The following KCNMA1 variants were observed in gnomAD, a reference collection of about 807,000 sequenced individuals.
KCNMA1 encodes Calcium-activated potassium channel subunit alpha-1.
KCNMA1 carries 29 observed loss-of-function variants against 140.0 expected under a neutral mutation model. The observed-to-expected ratio is 0.21, with a 90% CI of 0.15 to 0.28. The LOEUF (loss-of-function observed/expected upper bound fraction) is 0.28, where lower values mean the gene tolerates loss of function less well. KCNMA1 is among the 10% of genes least tolerant of loss of function. KCNMA1 has a pLI of 1.00. For missense variants in KCNMA1, 880 were observed against 1,602.2 expected, an observed-to-expected ratio of 0.55 and a Z score of 7.70; for synonymous variants, 612 against 611.9, an observed-to-expected ratio of 1.00 and a Z score of 0.00.
At chr10:77,411,634 T>C (rs2096620622) in intron 1 of KCNMA1, among the ~76,000 whole-genome samples, 1 of 152,208 alleles carries the variant, frequency 6.6e-6, no homozygotes, top group Middle Eastern at 3.2e-3. Context: ...GATTATTGGC[T>C]GCTGCAAAGT....
chr10:77,584,678 A>G (rs2076767922), intron 1 of KCNMA1, among the ~76,000 whole-genome samples: 1 of 152,198 alleles, frequency 6.6e-6, no homozygotes, highest in South Asian at 2.1e-4. Flanking sequence ...ATGTTTTTAA[A>G]GAAGAACATG....
chr10:77,439,969 A>G (rs1362805763), intron 1 of KCNMA1, among the ~76,000 whole-genome samples: 2 of 152,220 alleles, frequency 1.3e-5, no homozygotes, highest in Non-Finnish European at 2.9e-5. Flanking sequence ...TGTCCCACGC[A>G]CAGTAAAGAC....
downstream of KCNMA1, chr10:76,877,729 C>T (rs983462911): frequency 3.2e-6 from 5 of 1,550,538 alleles, no homozygotes; most frequent in Non-Finnish European, 4.4e-6. Context: ...TAGTTCTGGT[C>T]TCCTGGGAGT....
At chr10:77,455,722 G>A (rs2097752590) in intron 1 of KCNMA1, among the ~76,000 whole-genome samples, 1 of 152,092 alleles carries the variant, frequency 6.6e-6, no homozygotes, top group Non-Finnish European at 1.5e-5. Flanking sequence ...TCACACAGAA[G>A]GCCCAGACCT....
At chr10:77,030,560 T>C (rs1238512909) in intron 15 of KCNMA1, among the ~76,000 whole-genome samples, 1 of 152,192 alleles carries the variant, frequency 6.6e-6, no homozygotes, top group Non-Finnish European at 1.5e-5. Context: ...GGGACTCTGG[T>C]AGTTCATGGG....
intron 14 of KCNMA1, among the ~76,000 whole-genome samples, chr10:77,046,678 T>G (rs1017541837): frequency 7.2e-5 from 11 of 152,252 alleles, no homozygotes; most frequent in Non-Finnish European, 1.5e-5. Flanking sequence ...TATGTTCCAA[T>G]GTCAACAAAC....
Position 77,108,407 on chromosome 10 carries a change from C to CAAAA in KCNMA1, c.1223+70_1223+73dup. Reference sequence around the variant, plus strand: ...ATGCATGAAACAAAGAAACAAGAGCCAAAAAAAAAAAAAAATGGCATGCAG... The same window carrying CAAAA: ...ATGCATGAAACAAAGAAACAAGAGCCAAAAAAAAAAAAAAAAAAATGGCATGCAG... On this transcript the variant is annotated intron_variant, in intron 9 of 27. Coordinates refer to ENST00000286628, the MANE Select transcript of KCNMA1 (RefSeq NM_001161352.2). This position sits in a 1 kb window ranked among gnomAD's most constrained non-coding sequence, Gnocchi z 4.6. 1 of 1,405,810 alleles carries CAAAA rather than the reference C, an allele frequency of 7.1e-7. No homozygotes were observed. Among genetic ancestry groups the CAAAA allele is most frequent in the Admixed American group, 1.8e-5 (1 of 54,214 alleles). 87.1% of individuals were successfully genotyped at this position (1,405,810 alleles called of 1,614,324 possible). A position where few individuals can be genotyped will look rare whatever the true frequency, so the allele number is the denominator to read the frequency against.
chr10:77,037,258 C>T (rs1490779707), intron 15 of KCNMA1, among the ~76,000 whole-genome samples: 5 of 152,132 alleles, frequency 3.3e-5, no homozygotes, highest in African/African-American at 9.7e-5. Context: ...GCAAATCTGG[C>T]CTGGTTTAAG....
intron 2 of KCNMA1, among the ~76,000 whole-genome samples, chr10:77,260,248 G>C (rs199845060): frequency 2.6e-5 from 4 of 152,170 alleles, no homozygotes; most frequent in Admixed American, 2.0e-4. Flanking sequence ...GAGAATAGAA[G>C]AGGACAGGGC....
chr10:77,047,018 G>T (rs894854547), intron 14 of KCNMA1, among the ~76,000 whole-genome samples: 3 of 152,212 alleles, frequency 2.0e-5, no homozygotes, highest in Non-Finnish European at 4.4e-5. Context: ...ACTCAGTTCA[G>T]CTGCCTTTCT....
chr10:77,604,026 G>C (rs1006260663), intron 1 of KCNMA1, among the ~76,000 whole-genome samples: 1 of 152,228 alleles, frequency 6.6e-6, no homozygotes, highest in African/African-American at 2.4e-5. Flanking sequence ...TATTACTGGG[G>C]ACCAACTAAC....
chr10:76,878,132 G>A (rs1328762225), intron 29 of KCNMA1, among the ~76,000 whole-genome samples: 2 of 152,168 alleles, frequency 1.3e-5, no homozygotes, highest in African/African-American at 4.8e-5. Flanking sequence ...GGCACCATGG[G>A]CGGACCTCAG....
chr10:77,183,483 A>G lies in KCNMA1; in HGVS notation c.746T>C (p.Val249Ala). 1 of 1,613,922 alleles carries G rather than the reference A, an allele frequency of 6.2e-7. No homozygotes were observed. Among genetic ancestry groups the G allele is most frequent in the Non-Finnish European group, 8.5e-7 (1 of 1,179,942 alleles). The change falls in exon 5 of 28, where the codon GTA becomes GCA. Residue 249 changes from valine to alanine, a missense_variant. Val to Ala is a moderately conservative substitution (Grantham distance 64). Around this residue, in one of 13 missense-constraint regions of KCNMA1, gnomAD observed 198 missense variants for 580.1 expected, o/e 0.34. Transcript: ENST00000286628. ...KLWFWLEVNSVVDFFTVPPVF... is the reference protein window; with the variant it reads ...KLWFWLEVNSAVDFFTVPPVF... ...GGGGGGCACCGTGAAGAAATCCACT[A>G]CAGAGTTCACTTCCAGCCAGAACCA...
intron 5 of KCNMA1, among the ~76,000 whole-genome samples, chr10:77,131,964 C>CAAA (rs34972346): frequency 2.2e-5 from 2 of 92,520 alleles, no homozygotes; most frequent in African/African-American, 4.1e-5. Flanking sequence ...GACTCGGTCT[C>CAAA]AAAAAAAAAA....
chr10:77,339,307 C>T (rs2090204567), intron 2 of KCNMA1, among the ~76,000 whole-genome samples: 1 of 152,134 alleles, frequency 6.6e-6, no homozygotes, highest in Non-Finnish European at 1.5e-5. Flanking sequence ...GCCAAACCCA[C>T]ATTTCTCCCT....
chr10:77,572,820 A>T (rs1603637238), intron 1 of KCNMA1, among the ~76,000 whole-genome samples: 1 of 150,106 alleles, frequency 6.7e-6, no homozygotes, highest in East Asian at 2.0e-4. Context: ...ATGATTCCTC[A>T]CTCAAAATCT....
intron 1 of KCNMA1, among the ~76,000 whole-genome samples, chr10:77,462,482 T>A (rs1358819064): frequency 2.0e-5 from 3 of 152,216 alleles, no homozygotes; most frequent in Non-Finnish European, 4.4e-5. Flanking sequence ...TACATACACG[T>A]AAACATACAC....
chr10:77,135,702 C>G (rs980352927), intron 5 of KCNMA1, among the ~76,000 whole-genome samples: 2 of 151,992 alleles, frequency 1.3e-5, no homozygotes, highest in Admixed American at 6.6e-5. Context: ...TGTGGATGAA[C>G]CTAAAGTTTA....
chr10:76,923,434 A>T (rs998749915), intron 23 of KCNMA1, among the ~76,000 whole-genome samples: 1 of 150,716 alleles, frequency 6.6e-6, no homozygotes, highest in Non-Finnish European at 1.5e-5. Flanking sequence ...GTCTCAAAAA[A>T]AAAAAAAAAA....
Sources: gnomAD v4.1 joint callset for allele counts (sites outside exome capture counted in the v4.1 genomes callset) on GRCh38, gnomAD v4.1.1 for gene constraint, gnomAD v4.1.1 regional missense constraint, Gnocchi (gnomAD v3.1) non-coding constraint, MANE v1.5 for transcripts, NCBI Gene and HGNC (gene_info 2026-07-23, HGNC 2026-07-21) for gene names.